Variants in MINDY4 observed in about 807,000 individuals in gnomAD.
MINDY4 encodes the protein probable ubiquitin carboxyl-terminal hydrolase MINDY-4.
MINDY4 carries 68 observed loss-of-function variants against 87.0 expected under a neutral mutation model. The observed-to-expected ratio is 0.78, with a 90% CI of 0.64 to 0.96. The LOEUF (loss-of-function observed/expected upper bound fraction) is 0.96, where lower values mean the gene tolerates loss of function less well. Ranked by LOEUF, MINDY4 falls within the 40% of genes least tolerant of loss-of-function variation. The probability of loss-of-function intolerance (pLI) is 0.00; values close to 1 mark genes in which losing one functional copy is unlikely to be tolerated. For missense variants in MINDY4, 919 were observed against 928.2 expected (o/e 0.99, Z 0.13); for synonymous variants, 379 against 363.2 (o/e 1.04, Z -0.50).
At chr7:30,841,292 G>C (rs1399848408) in intron 9 of MINDY4, among the ~76,000 whole-genome samples, 1 of 152,186 alleles carries the variant, frequency 6.6e-6, no homozygotes, top group Non-Finnish European at 1.5e-5. Flanking sequence ...CAGCCGTTCA[G>C]TTTCCATTTC....
At chr7:30,891,917 G>A (rs1230167406) in intron 17 of MINDY4, 40 bp from the exon 18 acceptor site, 1 of 1,610,342 alleles carries the variant, frequency 6.2e-7, no homozygotes, top group Non-Finnish European at 8.5e-7. Context: ...GGACCCTGAA[G>A]CTTGATCTCT....
chr7:30,808,029 A>G (rs963049962), intron 5 of MINDY4, among the ~76,000 whole-genome samples: 6 of 152,142 alleles, frequency 3.9e-5, no homozygotes, highest in Non-Finnish European at 7.3e-5. Flanking sequence ...CAAGGTGATT[A>G]ATGGACGGTC....
intron 1 of MINDY4, among the ~76,000 whole-genome samples, chr7:30,771,859 A>G (rs1038264537): frequency 3.3e-5 from 5 of 152,182 alleles, no homozygotes; most frequent in South Asian, 4.1e-4. Flanking sequence ...GGGCCGCGCC[A>G]AGCAATCCTA....
At chr7:30,794,351 T>C (rs1787415870) in intron 5 of MINDY4, among the ~76,000 whole-genome samples, 1 of 152,092 alleles carries the variant, frequency 6.6e-6, no homozygotes, top group Non-Finnish European at 1.5e-5. Context: ...CGTGGGAAAG[T>C]GCAGTGAGAT....
intron 13 of MINDY4, 33 bp from the exon 14 acceptor site, chr7:30,872,210 A>G (rs368338029): frequency 8.7e-6 from 14 of 1,612,316 alleles, no homozygotes; most frequent in Admixed American, 1.7e-5. Flanking sequence ...GGTCAGGCAG[A>G]GCTGTGCTAA....
chr7:30,870,280 A>G (rs1790062602), intron 13 of MINDY4, among the ~76,000 whole-genome samples: 1 of 152,244 alleles, frequency 6.6e-6, no homozygotes, highest in South Asian at 2.1e-4. Flanking sequence ...CAGGTGGCAT[A>G]GGGCCAGTGA....
At chr7:30,773,266 G>A (rs1786700003) in intron 1 of MINDY4, among the ~76,000 whole-genome samples, 1 of 152,216 alleles carries the variant, frequency 6.6e-6, no homozygotes, top group Non-Finnish European at 1.5e-5. Flanking sequence ...GAAGGTGCTG[G>A]TTTGTTGTCT....
chr7:30,852,881 C>T (rs1173133705), intron 11 of MINDY4, among the ~76,000 whole-genome samples: 1 of 152,184 alleles, frequency 6.6e-6, no homozygotes, highest in Non-Finnish European at 1.5e-5. Flanking sequence ...TGCCCTGTGA[C>T]CCTAACTGAG....
chr7:30,816,768 T>G (rs1788163338), intron 5 of MINDY4, among the ~76,000 whole-genome samples: 1 of 152,214 alleles, frequency 6.6e-6, no homozygotes, highest in Admixed American at 6.5e-5. Flanking sequence ...GCTGAATTGT[T>G]AAGGCAGATT....
chr7:30,831,243 T>A (rs1350382765), intron 6 of MINDY4, among the ~76,000 whole-genome samples: 1 of 152,172 alleles, frequency 6.6e-6, no homozygotes, highest in Non-Finnish European at 1.5e-5. Flanking sequence ...ATAGCAGAAT[T>A]AATTGCCTCC....
chr7:30,875,429 C>T lies in MINDY4; in HGVS notation c.1810-66C>T, dbSNP rs1584346796. 1.9e-6 allele frequency: 3 copies of T among 1,563,344 alleles called. No individual in the cohort carries two copies. In the East Asian group the frequency reaches 6.7e-5, roughly 35 times the overall value. On this transcript the variant is annotated intron_variant, in intron 14 of 17. Transcript: ENST00000265299. Reference sequence around the variant, plus strand: ...TCCACCCTTTTTGTCTTTCCCCAGTCTCCTCTCCACTCTTTCAGTAACTGA... The same window carrying T: ...TCCACCCTTTTTGTCTTTCCCCAGTTTCCTCTCCACTCTTTCAGTAACTGA...
At chr7:30,871,453 G>A (rs975453563) in intron 13 of MINDY4, among the ~76,000 whole-genome samples, 1 of 152,200 alleles carries the variant, frequency 6.6e-6, no homozygotes, top group African/African-American at 2.4e-5. Flanking sequence ...ACAGCAAGCC[G>A]GGAAGGAGGA....
At chr7:30,875,730 GGAA>G in intron 15 of MINDY4, 74 bp downstream of exon 15, 2 of 1,491,104 alleles carry the variant, frequency 1.3e-6, no homozygotes, top group Admixed American at 2.0e-5. Flanking sequence ...AAGTGGGGAA[GGAA>G]AGCTGGACTC....
rs1297731196 is a variant in MINDY4 at position 30,875,666 on chromosome 7, T to TG, written c.1971+11dup. Reference sequence around the variant, plus strand: ...TTACAACATGTGCCAGGTACCCAGATGCTCACGTTCACCACAAGTAGGGGA... The same window carrying TG: ...TTACAACATGTGCCAGGTACCCAGATGGCTCACGTTCACCACAAGTAGGGGA... On this transcript the variant is annotated intron_variant, in intron 15 of 17. Coordinates refer to ENST00000265299, the MANE Select transcript of MINDY4 (RefSeq NM_032222.3). The TG allele has an allele frequency of 1.3e-6, 2 of 1,597,480 alleles. No homozygotes were observed. The highest frequency in any genetic ancestry group is 2.7e-5 in the African/African-American group (2 of 74,508).
intron 5 of MINDY4, among the ~76,000 whole-genome samples, chr7:30,822,206 C>G (rs1025540681): frequency 3.3e-5 from 5 of 151,108 alleles, no homozygotes; most frequent in Non-Finnish European, 7.4e-5. Context: ...GAGACAGAGT[C>G]TTGCTCTGAC....
At chr7:30,771,846 T>G (rs1203760777) in intron 1 of MINDY4, among the ~76,000 whole-genome samples, 1 of 152,162 alleles carries the variant, frequency 6.6e-6, no homozygotes, top group Non-Finnish European at 1.5e-5. Context: ...GGAGGGGGCC[T>G]GGGGGCCGCG....
At chr7:30,843,830 G>T (rs1789117012) in intron 9 of MINDY4, among the ~76,000 whole-genome samples, 1 of 152,182 alleles carries the variant, frequency 6.6e-6, no homozygotes, top group African/African-American at 2.4e-5. Context: ...GGGCTGTGGG[G>T]GTGGGCAGAG....
chr7:30,874,692 T>C (rs1017651405), intron 14 of MINDY4, among the ~76,000 whole-genome samples: 1 of 152,114 alleles, frequency 6.6e-6, no homozygotes, highest in African/African-American at 2.4e-5. Context: ...GAACTCATAC[T>C]TGGGCTTCCT....
intron 4 of MINDY4, among the ~76,000 whole-genome samples, chr7:30,790,892 C>A (rs1562531671): frequency 1.3e-5 from 2 of 152,196 alleles, no homozygotes; most frequent in Admixed American, 6.5e-5. Context: ...GCTTCACCTG[C>A]TGCATGAACC....
Sources: gnomAD v4.1 joint callset for allele counts (sites outside exome capture counted in the v4.1 genomes callset) on GRCh38, gnomAD v4.1.1 for gene constraint, MANE v1.5 for transcripts, NCBI Gene and HGNC (gene_info 2026-07-23, HGNC 2026-07-21) for gene names.